Variants in LHFPL2 observed in about 807,000 individuals in gnomAD.
LHFPL2 encodes LHFPL tetraspan subfamily member 2, also known as LHFPL tetraspan subfamily member 2 protein.
Under a neutral mutation model 17.5 loss-of-function variants are expected in LHFPL2, and 7 were observed. The observed-to-expected ratio is 0.40, with a 90% CI of 0.23 to 0.75. The LOEUF (loss-of-function observed/expected upper bound fraction) is 0.75. Ranked by LOEUF, LHFPL2 falls within the 30% of genes least tolerant of loss-of-function variation. LHFPL2 has a pLI of 0.37. For synonymous variants in LHFPL2, 134 were observed against 116.2 expected, an observed-to-expected ratio of 1.15 and a Z score of -0.99; for missense variants, 241 against 294.8, an observed-to-expected ratio of 0.82 and a Z score of 1.34.
chr5:78,613,335 C>T (rs149767227), intron 2 of LHFPL2, among the ~76,000 whole-genome samples: 50 of 152,222 alleles, frequency 3.3e-4, no homozygotes, highest in African/African-American at 1.2e-3. Context: ...TTAGAGGCAA[C>T]CAGAAGTGAC....
At chr5:78,589,504 A>G (rs1743551751) in intron 2 of LHFPL2, among the ~76,000 whole-genome samples, 1 of 151,980 alleles carries the variant, frequency 6.6e-6, no homozygotes, top group African/African-American at 2.4e-5. Context: ...TCTAATTTAT[A>G]TAGGAAGTGT....
At chr5:78,543,711 C>T (rs561955498) in intron 3 of LHFPL2, among the ~76,000 whole-genome samples, 14 of 152,306 alleles carry the variant, frequency 9.2e-5, no homozygotes, top group Non-Finnish European at 1.8e-4. Context: ...GGCTGAAGAG[C>T]GACCCTTTCC....
chr5:78,555,828 T>G (rs565140574), intron 3 of LHFPL2, among the ~76,000 whole-genome samples: 15 of 152,132 alleles, frequency 9.9e-5, no homozygotes, highest in Non-Finnish European at 1.6e-4. Flanking sequence ...CCCAGAGACC[T>G]TGATGAAGGG....
intron 2 of LHFPL2, among the ~76,000 whole-genome samples, chr5:78,568,171 C>A (rs1244122378): frequency 6.6e-6 from 1 of 152,162 alleles, no homozygotes; most frequent in Non-Finnish European, 1.5e-5. Context: ...TTGTTAAACA[C>A]ATGGGTTCAT....
chr5:78,493,592 A>G (rs1021662502), intron 4 of LHFPL2, among the ~76,000 whole-genome samples: 2 of 152,250 alleles, frequency 1.3e-5, no homozygotes, highest in African/African-American at 4.8e-5. Flanking sequence ...CTGACAGTGC[A>G]GTTTGCTTTG....
chr5:78,569,878 A>G (rs767512246), intron 2 of LHFPL2, among the ~76,000 whole-genome samples: 2 of 152,200 alleles, frequency 1.3e-5, no homozygotes, highest in Non-Finnish European at 2.9e-5. Flanking sequence ...ACATTATCCC[A>G]TCAACGTAAA....
Position 78,536,618 on chromosome 5 carries a change from G to A in LHFPL2, c.-185-26220C>T, listed in dbSNP as rs1237484229. Among the ~76,000 whole-genome samples, 6 of 152,116 alleles carry A rather than the reference G, an allele frequency of 3.9e-5. 1 individual carries two copies. The highest frequency in any genetic ancestry group is 6.5e-5 in the Admixed American group (1 of 15,274). ...CCATTCTTCTGCCCTTAGAATTCTC[G>A]TAAAGCCTATTCCATTATTTTAGGA... is the stretch of plus-strand genomic sequence containing the variant. On this transcript the variant is annotated intron_variant, in intron 3 of 4. Coordinates refer to ENST00000380345, the MANE Select transcript of LHFPL2 (RefSeq NM_005779.3).
chr5:78,626,799 G>A (rs1225383333), intron 2 of LHFPL2: 2 of 152,082 alleles, frequency 1.3e-5, no homozygotes, highest in Non-Finnish European at 2.9e-5. Flanking sequence ...ACAGTAAGCA[G>A]GCCTGGCGCG....
chr5:78,557,235 GTATAGCTT>G (rs1756595124), intron 3 of LHFPL2, among the ~76,000 whole-genome samples: 1 of 152,206 alleles, frequency 6.6e-6, no homozygotes, highest in Non-Finnish European at 1.5e-5. Flanking sequence ...TGAAAGAAAG[GTATAGCTT>G]CTAGGGGTTT....
In LHFPL2 at chr5:78,567,375, A is replaced by T. The variant is rs1234135213; in HGVS notation, c.-244-2504T>A. 4.0e-5 allele frequency among the ~76,000 whole-genome samples: 6 copies of T among 151,860 alleles called. No homozygotes were observed. The East Asian group carries it at 5.8e-4, about 15-fold the overall frequency. ...AGGGTGTGATTTTCATTTTTTTTTT[A>T]AATATGCTATTTCGAAAATACAGTA... On this transcript the variant is annotated intron_variant, in intron 2 of 4. Transcript: ENST00000380345.
At chr5:78,555,633 C>T (rs757510409) in intron 3 of LHFPL2, among the ~76,000 whole-genome samples, 15 of 152,170 alleles carry the variant, frequency 9.9e-5, no homozygotes, top group Non-Finnish European at 1.9e-4. Flanking sequence ...GAGAGTTTCA[C>T]TTGGGGGCAT....
At chr5:78,544,429 C>T (rs1756206838) in intron 3 of LHFPL2, among the ~76,000 whole-genome samples, 1 of 152,166 alleles carries the variant, frequency 6.6e-6, no homozygotes. Context: ...GGCTTCAGCA[C>T]TCCTGAATTG....
intron 4 of LHFPL2, among the ~76,000 whole-genome samples, chr5:78,496,031 G>A (rs928516869): frequency 6.6e-6 from 1 of 152,130 alleles, no homozygotes; most frequent in Admixed American, 6.5e-5. Flanking sequence ...CCCGGGAAAT[G>A]TTTGTCACCA....
intron 3 of LHFPL2, among the ~76,000 whole-genome samples, chr5:78,543,418 A>G (rs1327294655): frequency 6.6e-6 from 1 of 152,116 alleles, no homozygotes; most frequent in Admixed American, 6.5e-5. Context: ...TTCAGTGGGA[A>G]TCTCCCTGGG....
chr5:78,501,503 T>G (rs1261736590), intron 4 of LHFPL2, among the ~76,000 whole-genome samples: 1 of 152,196 alleles, frequency 6.6e-6, no homozygotes, highest in East Asian at 1.9e-4. Flanking sequence ...CCTATTTATT[T>G]ACTGTGCAAG....
chr5:78,629,353 C>T (rs1484768472), intron 2 of LHFPL2, among the ~76,000 whole-genome samples: 1 of 152,192 alleles, frequency 6.6e-6, no homozygotes, highest in African/African-American at 2.4e-5. Flanking sequence ...CAACAAAACC[C>T]CTACAGTAGG....
intron 3 of LHFPL2, among the ~76,000 whole-genome samples, chr5:78,556,966 T>C (rs1247105417): frequency 2.0e-5 from 3 of 152,152 alleles, no homozygotes; most frequent in Non-Finnish European, 4.4e-5. Flanking sequence ...GCAATCCTTT[T>C]TTTTTTTTAT....
At chr5:78,524,994 A>G (rs1243718052) in intron 3 of LHFPL2, among the ~76,000 whole-genome samples, 2 of 152,202 alleles carry the variant, frequency 1.3e-5, no homozygotes, top group South Asian at 2.1e-4. Context: ...GGGTTTCTCA[A>G]CTTCAGTACT....
chr5:78,489,773 CT>C (rs1754375285), intron 4 of LHFPL2, among the ~76,000 whole-genome samples: 1 of 152,232 alleles, frequency 6.6e-6, no homozygotes, highest in Non-Finnish European at 1.5e-5. Flanking sequence ...CAAATGTTAA[CT>C]TTATAAGTAA....
Sources: allele counts gnomAD v4.1 joint callset (sites outside exome capture counted in the v4.1 genomes callset), GRCh38; gene constraint gnomAD v4.1.1; transcripts MANE v1.5; gene names NCBI Gene and HGNC (gene_info 2026-07-23, HGNC 2026-07-21).